The following YES1 variants were observed in gnomAD, a reference collection of about 807,000 sequenced individuals.
YES1 encodes the protein tyrosine-protein kinase Yes.
In YES1, 39 loss-of-function variants were observed where a neutral mutation model predicts 70.4. That is an observed-to-expected ratio of 0.55 (90% CI 0.43 to 0.72). YES1 has a LOEUF of 0.72. Ranked by LOEUF, YES1 falls within the 30% of genes least tolerant of loss-of-function variation. The probability of loss-of-function intolerance (pLI) is 0.00; values close to 1 mark genes in which losing one functional copy is unlikely to be tolerated. For missense variants in YES1, 495 were observed against 644.8 expected, an observed-to-expected ratio of 0.77 and a Z score of 2.52; for synonymous variants, 198 against 218.6, an observed-to-expected ratio of 0.91 and a Z score of 0.83.
In YES1 at chr18:756,699, C is replaced by A. The variant is rs533246934; in HGVS notation, c.129G>T (p.Pro43=). The change falls in exon 2 of 12, where the codon CCG becomes CCT. Residue 43 remains proline (P), a synonymous_variant. Transcript: ENST00000314574. ...CTGCTGTTCCCTTTGCTGAAGATGA[C>A]GGACATGGTGACACTGTAGTGGGTT... ...GAEPTTVSPC[P]SSSAKGTAVN... The A allele has an allele frequency of 2.0e-5, 32 of 1,614,162 alleles. No individual in the cohort carries two copies. In the East Asian group the frequency reaches 3.3e-4, roughly 17 times the overall value.
intron 1 of YES1, among the ~76,000 whole-genome samples, chr18:778,664 T>C (rs761599814): frequency 1.3e-5 from 2 of 152,126 alleles, no homozygotes; most frequent in African/African-American, 2.4e-5. Context: ...AAAAATAAAT[T>C]TAGAGACTTA....
At chr18:804,988 C>T (rs1016648526) in intron 1 of YES1, among the ~76,000 whole-genome samples, 22 of 151,390 alleles carry the variant, frequency 1.5e-4, no homozygotes, top group Non-Finnish European at 2.6e-4. Context: ...CTGCAATTTG[C>T]TTGAGAAAGT....
intron 9 of YES1, chr18:738,037 A>G (rs902786494): frequency 1.3e-5 from 2 of 151,318 alleles, no homozygotes; most frequent in African/African-American, 4.9e-5. Context: ...GGCTCACAAA[A>G]CCTAATTTTT....
chr18:801,593 A>T (rs1906825429), intron 1 of YES1, among the ~76,000 whole-genome samples: 1 of 152,230 alleles, frequency 6.6e-6, no homozygotes, highest in Non-Finnish European at 1.5e-5. Context: ...ACCTAGAAAT[A>T]AATGATATAA....
chr18:724,696 A>T (rs2079997637), intron 11 of YES1, 64 bp from the exon 12 acceptor site: 1 of 1,332,426 alleles, frequency 7.5e-7, no homozygotes, highest in South Asian at 1.2e-5. Flanking sequence ...AAACATAACA[A>T]ACCCCCTAGC....
intron 8 of YES1, 105 bp downstream of exon 8, chr18:742,813 A>G (rs2080230650): frequency 1.2e-6 from 1 of 854,958 alleles, no homozygotes; most frequent in Non-Finnish European, 1.7e-6. Context: ...AAATATGTCT[A>G]CATAAAAATC....
intron 3 of YES1, among the ~76,000 whole-genome samples, chr18:749,969 T>C (rs1383861404): frequency 6.6e-6 from 1 of 152,206 alleles, no homozygotes; most frequent in African/African-American, 2.4e-5. Flanking sequence ...CGTCATTTTT[T>C]CAAAATTAAT....
chr18:727,901 AGAT>A (rs1415694523), intron 11 of YES1, among the ~76,000 whole-genome samples: 3 of 152,214 alleles, frequency 2.0e-5, no homozygotes, highest in Non-Finnish European at 4.4e-5. Flanking sequence ...GTTCCTGCGT[AGAT>A]AATATATAGG....
intron 1 of YES1, among the ~76,000 whole-genome samples, chr18:765,913 GAAT>G (rs1372049501): frequency 5.3e-5 from 8 of 152,150 alleles, no homozygotes; most frequent in African/African-American, 1.9e-4. Flanking sequence ...GTAAGTTGAA[GAAT>G]AATAAGTGAG....
At chr18:762,697 A>G (rs1283134395) in intron 1 of YES1, among the ~76,000 whole-genome samples, 1 of 152,198 alleles carries the variant, frequency 6.6e-6, no homozygotes, top group African/African-American at 2.4e-5. Flanking sequence ...AAACCTCAGA[A>G]TTCACCACTA....
At chr18:747,295 C>G (rs986394814) in intron 4 of YES1, among the ~76,000 whole-genome samples, 4 of 152,102 alleles carry the variant, frequency 2.6e-5, no homozygotes, top group Non-Finnish European at 5.9e-5. Context: ...TAGGCGAAAC[C>G]CCGTCTCTAC....
intron 2 of YES1, 25 bp from the exon 3 acceptor site, chr18:751,829 G>A: frequency 2.4e-6 from 3 of 1,259,248 alleles, no homozygotes; most frequent in Non-Finnish European, 3.4e-6. Flanking sequence ...AAAGACCAAG[G>A]TAAATTATGT....
intron 7 of YES1, 56 bp downstream of exon 7, chr18:743,204 T>G: frequency 1.9e-6 from 3 of 1,573,418 alleles, no homozygotes; most frequent in Non-Finnish European, 2.6e-6. Flanking sequence ...TCATAAATTG[T>G]TGCACTTTAA....
At chr18:809,636 T>C (rs1907271788) in intron 1 of YES1, among the ~76,000 whole-genome samples, 1 of 152,172 alleles carries the variant, frequency 6.6e-6, no homozygotes, top group Non-Finnish European at 1.5e-5. Context: ...ACAGCTGGTA[T>C]ATGACAATTA....
At chr18:766,525 T>G (rs1904917359) in intron 1 of YES1, among the ~76,000 whole-genome samples, 1 of 151,584 alleles carries the variant, frequency 6.6e-6, no homozygotes, top group Non-Finnish European at 1.5e-5. Flanking sequence ...AAGCAACCAT[T>G]AGAGTTAGGA....
At chr18:795,151 G>T (rs754189220) in intron 1 of YES1, among the ~76,000 whole-genome samples, 1 of 152,130 alleles carries the variant, frequency 6.6e-6, no homozygotes, top group Non-Finnish European at 1.5e-5. Context: ...AACTGAATCC[G>T]CAACTGCAAA....
At chr18:739,870 T>C in intron 8 of YES1, 59 bp from the exon 9 acceptor site, 1 of 1,275,694 alleles carries the variant, frequency 7.8e-7, no homozygotes, top group South Asian at 1.3e-5. Flanking sequence ...AGGATTGAAA[T>C]GAATACTCCT....
intron 2 of YES1, among the ~76,000 whole-genome samples, chr18:753,093 A>G (rs1389081505): frequency 6.6e-6 from 1 of 152,246 alleles, no homozygotes; most frequent in Non-Finnish European, 1.5e-5. Context: ...AAATAATAAA[A>G]CAGATGTATA....
chr18:755,379 G>C (rs1470231098), intron 2 of YES1, among the ~76,000 whole-genome samples: 1 of 152,016 alleles, frequency 6.6e-6, no homozygotes, highest in Non-Finnish European at 1.5e-5. Context: ...CTCCCGAGTA[G>C]CTGGGACTAC....
Sources: allele counts gnomAD v4.1 joint callset (sites outside exome capture counted in the v4.1 genomes callset), GRCh38; gene constraint gnomAD v4.1.1; transcripts MANE v1.5; gene names NCBI Gene and HGNC (gene_info 2026-07-23, HGNC 2026-07-21).